The following CERT1 variants were observed in gnomAD, a reference collection of about 807,000 sequenced individuals.
CERT1 encodes the protein ceramide transfer protein.
In CERT1, 31 loss-of-function variants were observed where a neutral mutation model predicts 87.9. The observed-to-expected ratio is 0.35, with a 90% CI of 0.27 to 0.48. The LOEUF is 0.48. Among genes scored for constraint, CERT1 ranks in the 20% least tolerant of loss-of-function variants. The pLI, the probability that CERT1 is intolerant of heterozygous loss-of-function variation, is 0.99. For missense variants in CERT1, 487 were observed against 758.0 expected, an observed-to-expected ratio of 0.64 and a Z score of 4.20; for synonymous variants, 289 against 250.9, an observed-to-expected ratio of 1.15 and a Z score of -1.44.
rs1762560563 is a variant in CERT1, at chr5:75,403,031, C to T, written c.958G>A (p.Glu320Lys). 1 of 1,613,170 alleles carries T rather than the reference C, an allele frequency of 6.2e-7. No individual in the cohort carries two copies. The highest frequency in any genetic ancestry group is 1.1e-5 in the South Asian group (1 of 91,080). ...EEGPNSLINE[E>K]EFFDAVEAAL... is the part of the protein sequence containing the mutation. ...GCTTCAACAGCATCAAAGAACTCTT[C>T]TTCATTAATCAGACTGTTAGGGCCT... The change falls in exon 9 of 17, where the codon GAA (glutamate) becomes AAA (lysine). Residue 320 changes from glutamate (E) to lysine (K), a missense_variant. Transcript: ENST00000643780.
At chr5:75,409,741 C>T (rs997870966) in intron 8 of CERT1, among the ~76,000 whole-genome samples, 1 of 151,692 alleles carries the variant, frequency 6.6e-6, no homozygotes, top group Admixed American at 6.6e-5. Flanking sequence ...ATTGGCCAGG[C>T]TGGTCTCGAG....
At position 75,398,266 on chromosome 5, in the gene CERT1, C is replaced by T. The variant is rs564675296; in HGVS notation, c.1188+1044G>A. Among the ~76,000 whole-genome samples, 4 of 152,120 alleles carry T rather than the reference C, an allele frequency of 2.6e-5. No individual in the cohort carries two copies. The East Asian group carries it at 7.7e-4, about 29-fold the overall frequency. On this transcript the variant is annotated intron_variant, in intron 11 of 16. Coordinates refer to ENST00000643780, the MANE Select transcript of CERT1 (RefSeq NM_001379029.1). ...TAAAAATAATAGAAATCTCTTTAAA[C>T]TATGACTTTTAAAAACTTTTATAGC...
intron 7 of CERT1, among the ~76,000 whole-genome samples, chr5:75,414,030 A>G (rs1763037898): frequency 6.6e-6 from 1 of 152,234 alleles, no homozygotes; most frequent in African/African-American, 2.4e-5. Flanking sequence ...GTCATACAAT[A>G]AAAAGTTATA....
chr5:75,467,650 G>A (rs60111936), intron 2 of CERT1, among the ~76,000 whole-genome samples: 13,092 of 132,276 alleles, frequency 0.099, 522 homozygotes, highest in South Asian at 0.17. Flanking sequence ...CCAAAAAAAA[G>A]AAAAAAAAAA....
chr5:75,400,063 T>A, intron 10 of CERT1, 142 bp downstream of exon 10: 1 of 588,226 alleles, frequency 1.7e-6, no homozygotes. Flanking sequence ...ACCCGGGAGG[T>A]GGAGACTGTA....
intron 11 of CERT1, among the ~76,000 whole-genome samples, chr5:75,392,403 G>A (rs965826682): frequency 6.6e-6 from 1 of 152,176 alleles, no homozygotes; most frequent in Non-Finnish European, 1.5e-5. Context: ...AGATTCTAAT[G>A]AAGTACTAAA....
At chr5:75,421,107 C>A (rs1044300209) in intron 5 of CERT1, among the ~76,000 whole-genome samples, 16 of 152,198 alleles carry the variant, frequency 1.1e-4, no homozygotes, top group African/African-American at 3.4e-4. Flanking sequence ...CTGCACCCAG[C>A]CTACATGGCT....
chr5:75,452,670 C>T (rs1233586290), intron 3 of CERT1, among the ~76,000 whole-genome samples: 1 of 151,972 alleles, frequency 6.6e-6, no homozygotes, highest in Non-Finnish European at 1.5e-5. Context: ...CTCACAGAGC[C>T]CTTTGACAAC....
chr5:75,387,233 A>G lies in CERT1; in HGVS notation c.1285-1199T>C, dbSNP rs543023924. Among the ~76,000 whole-genome samples, 5 of 152,258 alleles carry G rather than the reference A, an allele frequency of 3.3e-5. No homozygotes were observed. The East Asian group carries it at 9.7e-4, about 29-fold the overall frequency. ...GGTGAGGCAGGAATCTATTGACACC[A>G]TGGCACTGGCAGTTCCTAGATGTGG... On this transcript the variant is annotated intron_variant, in intron 12 of 16. Transcript: ENST00000643780.
chr5:75,433,685 T>C (rs1763964588), intron 3 of CERT1, among the ~76,000 whole-genome samples: 1 of 152,102 alleles, frequency 6.6e-6, no homozygotes, highest in South Asian at 2.1e-4. Flanking sequence ...TACACCCAGG[T>C]AATTTTTTGA....
At position 75,389,652 on chromosome 5, in the gene CERT1, T is replaced by G. The variant is rs754473794; in HGVS notation, c.1224A>C (p.Ser408=). The change falls in exon 12 of 17, where the codon TCA becomes TCC. Residue 408 remains serine, a synonymous_variant. Transcript: ENST00000643780. ...TGGCATCTCCGCCTACATCCTGTAA[T>G]GAGTAAGTCATGTGGTTCTGCACCA... ...EEMVQNHMTY[S]LQDVGGDANW... is the part of the protein sequence containing the mutation. The G allele has an allele frequency of 8.1e-6, 13 of 1,614,102 alleles. No individual in the cohort carries two copies. Among genetic ancestry groups the G allele is most frequent in the Non-Finnish European group, 1.1e-5 (13 of 1,179,984 alleles).
chr5:75,432,381 C>T (rs1004797342), intron 3 of CERT1, among the ~76,000 whole-genome samples: 1 of 152,166 alleles, frequency 6.6e-6, no homozygotes, highest in Non-Finnish European at 1.5e-5. Context: ...TGCAACCTCA[C>T]CAACATCTGT....
chr5:75,432,180 T>C (rs1763897715), intron 3 of CERT1, among the ~76,000 whole-genome samples: 1 of 151,464 alleles, frequency 6.6e-6, no homozygotes, highest in Non-Finnish European at 1.5e-5. Flanking sequence ...GCCTCCTGAA[T>C]AGCTGGGACT....
chr5:75,425,269 C>A, intron 5 of CERT1, 92 bp downstream of exon 5: 1 of 1,275,566 alleles, frequency 7.8e-7, no homozygotes, highest in South Asian at 1.5e-5. Context: ...ACTATAAACA[C>A]CTTTATCACT....
chr5:75,387,050 G>A (rs745411203), intron 12 of CERT1, among the ~76,000 whole-genome samples: 37 of 152,038 alleles, frequency 2.4e-4, no homozygotes, highest in Non-Finnish European at 4.1e-4. Flanking sequence ...GGTATTTTTA[G>A]TAGAGACAGG....
At chr5:75,508,099 A>T (rs138079295) in intron 1 of CERT1, among the ~76,000 whole-genome samples, 1 of 152,300 alleles carries the variant, frequency 6.6e-6, no homozygotes, top group East Asian at 1.9e-4. Context: ...TAGCTCCAAA[A>T]CTTACATGGA....
Position 75,379,374 on chromosome 5 carries a change from T to G in CERT1, c.1847A>C (p.Lys616Thr). 2.5e-6 allele frequency: 4 copies of G among 1,613,878 alleles called. No individual in the cohort carries two copies. In the South Asian group the frequency reaches 4.4e-5, roughly 18 times the overall value. Residue 616 changes from lysine to threonine, a missense_variant, in exon 17 of 17, where the codon AAA (lysine) becomes ACA (threonine). Coordinates refer to ENST00000643780, the MANE Select transcript of CERT1 (RefSeq NM_001379029.1). ...LKRFTSYVQEKTAGKPILF is the reference protein window; with the variant it reads ...LKRFTSYVQETTAGKPILF ...GAACAAAATAGGCTTTCCTGCAGTT[T>G]TTTCTTGGACGTAAGAAGTAAAACG...
chr5:75,509,395 T>C (rs1767808570), intron 1 of CERT1, among the ~76,000 whole-genome samples: 2 of 152,198 alleles, frequency 1.3e-5, no homozygotes, highest in South Asian at 2.1e-4. Context: ...TAACCATAAA[T>C]TGGTAAATCT....
intron 2 of CERT1, among the ~76,000 whole-genome samples, chr5:75,464,868 G>T (rs1429340761): frequency 6.6e-6 from 1 of 152,106 alleles, no homozygotes; most frequent in Non-Finnish European, 1.5e-5. Context: ...ATGAGCCACC[G>T]CAAGTGGCCC....
Sources: gnomAD v4.1 joint callset for allele counts (sites outside exome capture counted in the v4.1 genomes callset) on GRCh38, gnomAD v4.1.1 for gene constraint, MANE v1.5 for transcripts, NCBI Gene and HGNC (gene_info 2026-07-23, HGNC 2026-07-21) for gene names.